Variants in RARB observed in about 807,000 individuals in gnomAD.
The protein encoded by RARB is HBV-activated protein.
In RARB, 17 loss-of-function variants were observed where a neutral mutation model predicts 51.9. The ratio of observed to expected loss-of-function variants is 0.33; its 90% CI spans 0.22 to 0.49. RARB has a LOEUF of 0.49. RARB is among the 20% of genes least tolerant of loss of function. The probability of loss-of-function intolerance (pLI) is 0.99; values close to 1 mark genes in which losing one functional copy is unlikely to be tolerated. For synonymous variants in RARB, 215 were observed against 195.4 expected, an observed-to-expected ratio of 1.10 and a Z score of -0.84; for missense variants, 369 against 550.8, an observed-to-expected ratio of 0.67 and a Z score of 3.30.
At chr3:25,246,568 G>A (rs535810103) in intron 5 of RARB, among the ~76,000 whole-genome samples, 2 of 152,032 alleles carry the variant, frequency 1.3e-5, no homozygotes, top group Non-Finnish European at 2.9e-5. Flanking sequence ...CCTTCTATCA[G>A]TCAGGCCCCT....
At chr3:25,464,153 T>C (rs772697461) in intron 2 of RARB, among the ~76,000 whole-genome samples, 6 of 152,226 alleles carry the variant, frequency 3.9e-5, no homozygotes, top group Non-Finnish European at 8.8e-5. Context: ...AGTCATCTCA[T>C]GTCCAGAAAT....
At chr3:25,298,555 G>T (rs1009317262) in intron 5 of RARB, among the ~76,000 whole-genome samples, 2 of 152,138 alleles carry the variant, frequency 1.3e-5, no homozygotes, top group Non-Finnish European at 2.9e-5. Context: ...CAAACCCCAG[G>T]ATGGTGATTT....
At chr3:25,486,739 A>G (rs1297202549) in intron 2 of RARB, among the ~76,000 whole-genome samples, 1 of 152,148 alleles carries the variant, frequency 6.6e-6, no homozygotes, top group African/African-American at 2.4e-5. Flanking sequence ...TTTTGGCTAC[A>G]TTCTGATATA....
At chr3:25,481,065 A>G (rs558842295) in intron 2 of RARB, among the ~76,000 whole-genome samples, 20 of 152,304 alleles carry the variant, frequency 1.3e-4, no homozygotes, top group African/African-American at 3.6e-4. Context: ...AGGTTTTTCA[A>G]TATTTCAAGA....
chr3:24,992,962 C>T (rs1696945498), intron 2 of RARB, among the ~76,000 whole-genome samples: 2 of 151,948 alleles, frequency 1.3e-5, no homozygotes, highest in African/African-American at 4.8e-5. Context: ...TTTTTATTCA[C>T]TTTTTAAATG....
At chr3:25,237,537 T>C (rs909505343) in intron 5 of RARB, among the ~76,000 whole-genome samples, 5 of 152,160 alleles carry the variant, frequency 3.3e-5, no homozygotes, top group African/African-American at 2.4e-5. Flanking sequence ...AAAAATATAA[T>C]GTAAAACTTT....
At chr3:24,975,970 C>A (rs1696502859) in intron 2 of RARB, among the ~76,000 whole-genome samples, 1 of 152,144 alleles carries the variant, frequency 6.6e-6, no homozygotes, top group Admixed American at 6.5e-5. Flanking sequence ...CTCCCTGTGT[C>A]CATATTTTCT....
intron 2 of RARB, among the ~76,000 whole-genome samples, chr3:25,000,112 G>A (rs1246013486): frequency 6.6e-6 from 1 of 152,054 alleles, no homozygotes. Flanking sequence ...GGAAAAAGGT[G>A]TTATGTTTAC....
intron 2 of RARB, among the ~76,000 whole-genome samples, chr3:24,922,040 G>A (rs1695226866): frequency 6.6e-6 from 1 of 152,132 alleles, no homozygotes; most frequent in South Asian, 2.1e-4. Flanking sequence ...TAGACCCTTG[G>A]GGCTAAGGCA....
chr3:25,385,215 C>T (rs962115295), intron 5 of RARB, among the ~76,000 whole-genome samples: 2 of 152,180 alleles, frequency 1.3e-5, no homozygotes, highest in African/African-American at 4.8e-5. Context: ...CCCTTTGTCT[C>T]AAGCACTTTT....
chr3:25,221,855 G>A (rs1188648415), intron 5 of RARB, among the ~76,000 whole-genome samples: 1 of 152,148 alleles, frequency 6.6e-6, no homozygotes, highest in African/African-American at 2.4e-5. Flanking sequence ...TGTGCATCCT[G>A]TTTGAACATT....
At chr3:25,067,859 G>C (rs965516363) in intron 3 of RARB, among the ~76,000 whole-genome samples, 1 of 151,964 alleles carries the variant, frequency 6.6e-6, no homozygotes, top group African/African-American at 2.4e-5. Context: ...AATCTTGGCC[G>C]GGTGCAGTGG....
intron 3 of RARB, among the ~76,000 whole-genome samples, chr3:25,102,225 A>G (rs1699414498): frequency 6.6e-6 from 1 of 152,162 alleles, no homozygotes; most frequent in African/African-American, 2.4e-5. Flanking sequence ...ACATCAGTTC[A>G]GGAAAGGTTC....
chr3:25,342,661 CTATT>C (rs1375879505), intron 5 of RARB, among the ~76,000 whole-genome samples: 1 of 152,234 alleles, frequency 6.6e-6, no homozygotes, highest in African/African-American at 2.4e-5. Flanking sequence ...TAACCCACCT[CTATT>C]TAAGCCACTG....
In RARB at chr3:25,184,136, G is replaced by T. The variant is rs201507313; in HGVS notation, c.178+9561G>T. Among the ~76,000 whole-genome samples, 367 of 148,742 alleles carry T rather than the reference G, an allele frequency of 2.5e-3. 2 individuals are homozygous for T. The highest frequency in any genetic ancestry group is 0.021 in the East Asian group (105 of 5,052). ...AAAATCTACAAATACAGAGTTTGTT[G>T]TTTTTTTTTTCTAGTTATTGCCCAA... On this transcript the variant is annotated intron_variant, in intron 5 of 11. Coordinates refer to the RARB transcript ENST00000383772.
chr3:24,874,299 A>G (rs12715063), intron 2 of RARB, among the ~76,000 whole-genome samples: 112,062 of 151,918 alleles, frequency 0.74, 42,365 homozygotes, highest in African/African-American at 0.89. Context: ...TGTATGAAAT[A>G]TATACTGTTT....
intron 1 of RARB, among the ~76,000 whole-genome samples, chr3:24,846,661 T>C (rs984037849): frequency 6.6e-6 from 1 of 152,192 alleles, no homozygotes; most frequent in African/African-American, 2.4e-5. Context: ...TGTGTCCAGA[T>C]GTCCCTAGTC....
intron 2 of RARB, among the ~76,000 whole-genome samples, chr3:25,043,733 C>T (rs1049411074): frequency 2.0e-5 from 3 of 152,078 alleles, no homozygotes; most frequent in South Asian, 2.1e-4. Context: ...TAAGCATTTA[C>T]GTGACCACTC....
At chr3:24,922,158 A>G (rs773332542) in intron 2 of RARB, among the ~76,000 whole-genome samples, 8 of 152,204 alleles carry the variant, frequency 5.3e-5, no homozygotes, top group Non-Finnish European at 1.0e-4. Context: ...TGTTAACACA[A>G]GCTGTAGCAT....
Sources: allele counts gnomAD v4.1 joint callset (sites outside exome capture counted in the v4.1 genomes callset), GRCh38; gene constraint gnomAD v4.1.1; transcripts MANE v1.5; gene names NCBI Gene and HGNC (gene_info 2026-07-23, HGNC 2026-07-21).